The following BEAN1 variants were observed in gnomAD, a reference collection of about 807,000 sequenced individuals.
The protein encoded by BEAN1 is protein BEAN1.
Under a neutral mutation model 17.7 loss-of-function variants are expected in BEAN1, and 17 were observed. The observed-to-expected ratio is 0.96, with a 90% confidence interval of 0.66 to 1.44. The LOEUF (loss-of-function observed/expected upper bound fraction) is 1.44, where lower values mean the gene tolerates loss of function less well. Among genes scored for constraint, BEAN1 ranks in the 40% most tolerant of loss-of-function variants. The pLI, the probability that BEAN1 is intolerant of heterozygous loss-of-function variation, is 0.00. For synonymous variants in BEAN1, 142 were observed against 151.8 expected, an observed-to-expected ratio of 0.94 and a Z score of 0.47; for missense variants, 359 against 374.1, an observed-to-expected ratio of 0.96 and a Z score of 0.33.
intron 2 of BEAN1, among the ~76,000 whole-genome samples, chr16:66,444,825 G>A (rs972412997): frequency 7.2e-5 from 11 of 152,126 alleles, no homozygotes; most frequent in Admixed American, 5.2e-4. Flanking sequence ...CCAAATGCCC[G>A]GCACTGTGGC....
At position 66,482,812 on chromosome 16, in the gene BEAN1, G is replaced by T; in HGVS notation, c.*1887G>T. ...AATAAATACATAATATCAATAAAAT[G>T]TAGCAAGAAGTAACACTTTCAGAGA... On this transcript the variant is annotated 3_prime_UTR_variant, in exon 5 of 5. Coordinates refer to ENST00000536005, the MANE Select transcript of BEAN1 (RefSeq NM_001178020.3). 1 of 446,758 alleles carries T rather than the reference G, an allele frequency of 2.2e-6. No homozygotes were observed. Among genetic ancestry groups the T allele is most frequent in the Non-Finnish European group, 4.4e-6 (1 of 224,866 alleles). The allele number at this position is 446,758 out of a possible 1,614,324, so 27.7% of individuals were successfully genotyped here. A position where few individuals can be genotyped will look rare whatever the true frequency, so the allele number is the denominator to read the frequency against.
chr16:66,436,689 T>A (rs2142376663), intron 1 of BEAN1, among the ~76,000 whole-genome samples: 1 of 151,162 alleles, frequency 6.6e-6, no homozygotes, highest in Non-Finnish European at 1.5e-5. Flanking sequence ...AATCCTCCCA[T>A]CACAGCCTCC....
intron 2 of BEAN1, among the ~76,000 whole-genome samples, chr16:66,441,612 C>T (rs922692535): frequency 1.3e-5 from 2 of 152,198 alleles, no homozygotes; most frequent in Admixed American, 1.3e-4. Context: ...CCAGAAAAGT[C>T]TGCAGAAGGT....
intron 2 of BEAN1, among the ~76,000 whole-genome samples, chr16:66,456,641 T>C (rs1239547130): frequency 6.6e-6 from 1 of 152,232 alleles, no homozygotes; most frequent in African/African-American, 2.4e-5. Flanking sequence ...TTAATTCTAA[T>C]GTGGCTTGGT....
chr16:66,468,130 A>G (rs767539524), intron 2 of BEAN1, among the ~76,000 whole-genome samples: 3 of 152,192 alleles, frequency 2.0e-5, no homozygotes, highest in Non-Finnish European at 4.4e-5. Flanking sequence ...TTACCACCCA[A>G]GACAGAGGCC....
At chr16:66,459,344 G>A (rs1962995853) in intron 2 of BEAN1, among the ~76,000 whole-genome samples, 1 of 152,038 alleles carries the variant, frequency 6.6e-6, no homozygotes, top group Non-Finnish European at 1.5e-5. Context: ...TTTTGAGGTG[G>A]TGTTTCACTC....
chr16:66,480,493 A>G, intron 4 of BEAN1, 93 bp from the exon 5 acceptor site: 1 of 1,044,186 alleles, frequency 9.6e-7, no homozygotes, highest in Non-Finnish European at 1.4e-6. Context: ...CACAGCCAGG[A>G]CAGCTTGTCA....
intron 2 of BEAN1, among the ~76,000 whole-genome samples, chr16:66,449,812 G>C (rs1339931547): frequency 6.6e-6 from 1 of 152,096 alleles, no homozygotes; most frequent in Non-Finnish European, 1.5e-5. Flanking sequence ...AGAGCACTGT[G>C]GCATTGCTCC....
chr16:66,440,714 C>G (rs1962223938), intron 2 of BEAN1, among the ~76,000 whole-genome samples: 1 of 152,232 alleles, frequency 6.6e-6, no homozygotes. Context: ...AACAGTCTCT[C>G]CCACCCTAGT....
rs115852696 is a variant in BEAN1 at position 66,493,162 on chromosome 16, C to T, written c.348C>T (p.Thr116=). The T allele has an allele frequency of 0.019, 13,106 of 702,904 alleles. 1,198 individuals are homozygous for T. The African/African-American group carries it at 0.2, about 11-fold the overall frequency. The allele number at this position is 702,904 out of a possible 1,614,324, so 43.5% of individuals were successfully genotyped here. ...TCTCATGTGAAGCCGTTCTCAGAAC[C>T]GCGGGCACACGGATGCTTGAGCCGG... is the stretch of plus-strand genomic sequence containing the variant. Residue 116 remains threonine, a synonymous_variant, in exon 5 of 5, where the codon ACC becomes ACT. Coordinates refer to the BEAN1 transcript ENST00000561796.
intron 2 of BEAN1, among the ~76,000 whole-genome samples, chr16:66,463,137 T>G (rs1004355932): frequency 1.3e-5 from 2 of 152,210 alleles, no homozygotes; most frequent in Non-Finnish European, 2.9e-5. Flanking sequence ...GGACTTATGT[T>G]TCCATTTTTC....
In BEAN1 at chr16:66,482,659, G is replaced by A. The variant is rs1964020945; in HGVS notation, c.*1734G>A. The A allele has an allele frequency of 2.7e-6, 1 of 364,034 alleles. No homozygotes were observed. The allele number at this position is 364,034 out of a possible 1,614,324, so 22.6% of individuals were successfully genotyped here. A position where few individuals can be genotyped will look rare whatever the true frequency, so the allele number is the denominator to read the frequency against. ...CATCCTGCTTCTGCAATTCCAGAGA[G>A]TGCTGGGGGAAAAAAAGGGATAAAA... On this transcript the variant is annotated 3_prime_UTR_variant, in exon 5 of 5. Transcript: ENST00000536005.
intron 2 of BEAN1, among the ~76,000 whole-genome samples, chr16:66,450,197 C>T (rs1037640843): frequency 1.3e-5 from 2 of 151,956 alleles, no homozygotes; most frequent in African/African-American, 4.8e-5. Context: ...GAATGAAAGC[C>T]CCAGCTCTAC....
At position 66,481,647 on chromosome 16, in the gene BEAN1, C is replaced by T. The variant is rs575451670; in HGVS notation, c.*722C>T. ...GTGGTGCTAGTAGAGCTATCTCTGA[C>T]GCTGCAGGCCCCAGGTAGATGGGCA... On this transcript the variant is annotated 3_prime_UTR_variant, in exon 5 of 5. Coordinates refer to ENST00000536005, the MANE Select transcript of BEAN1 (RefSeq NM_001178020.3). This position sits in a 1 kb window ranked among gnomAD's most constrained non-coding sequence, Gnocchi z 4.1. 9 of 170,782 alleles carry T rather than the reference C, an allele frequency of 5.3e-5. No individual in the cohort carries two copies. In the South Asian group the frequency reaches 6.0e-4, roughly 11 times the overall value. The allele number at this position is 170,782 out of a possible 1,614,324, so 10.6% of individuals were successfully genotyped here.
intron 3 of BEAN1, among the ~76,000 whole-genome samples, chr16:66,474,118 G>A (rs1156322488): frequency 2.6e-5 from 4 of 152,090 alleles, no homozygotes; most frequent in Non-Finnish European, 5.9e-5. Flanking sequence ...CTTCCTATGC[G>A]CATCCTCAGG....
downstream of BEAN1, among the ~76,000 whole-genome samples, chr16:66,487,305 C>A (rs1301025661): frequency 6.6e-6 from 1 of 151,976 alleles, no homozygotes; most frequent in Non-Finnish European, 1.5e-5. Flanking sequence ...TGGGCTCCTG[C>A]CTCTTCTCCT....
At chr16:66,464,434 A>G (rs1303897639) in intron 2 of BEAN1, among the ~76,000 whole-genome samples, 1 of 151,848 alleles carries the variant, frequency 6.6e-6, no homozygotes, top group Non-Finnish European at 1.5e-5. Flanking sequence ...TCCGTCTTCC[A>G]GGCTCAAACG....
intron 4 of BEAN1, among the ~76,000 whole-genome samples, chr16:66,490,454 T>TCA (rs1964159337): frequency 4.4e-5 from 2 of 45,126 alleles, no homozygotes; most frequent in Non-Finnish European, 1.1e-4. Context: ...TAAAATAAAA[T>TCA]AATAAAATAA....
chr16:66,441,010 C>T (rs918074828), intron 2 of BEAN1, among the ~76,000 whole-genome samples: 2 of 152,142 alleles, frequency 1.3e-5, no homozygotes, highest in East Asian at 1.9e-4. Context: ...GCCCCCATCT[C>T]GGCCCCCACT....
Sources: allele counts gnomAD v4.1 joint callset (sites outside exome capture counted in the v4.1 genomes callset), GRCh38; gene constraint gnomAD v4.1.1; non-coding constraint Gnocchi (gnomAD v3.1); transcripts MANE v1.5; gene names NCBI Gene and HGNC (gene_info 2026-07-23, HGNC 2026-07-21).